The following TRPV1 variants were observed in gnomAD, a reference collection of about 807,000 sequenced individuals.
TRPV1 encodes the protein transient receptor potential cation channel subfamily V member 1, also known as OTRPC1.
In TRPV1, 82 loss-of-function variants were observed where a neutral mutation model predicts 82.3. The ratio of observed to expected loss-of-function variants is 1.00; its 90% CI spans 0.83 to 1.20. The LOEUF (loss-of-function observed/expected upper bound fraction) is 1.20, where lower values mean the gene tolerates loss of function less well. TRPV1 is among the 50% of genes most tolerant of loss of function. The pLI is 0.00. For synonymous variants in TRPV1, 515 were observed against 467.7 expected (o/e 1.10, Z -1.30); for missense variants, 1,067 against 1,096.8 (o/e 0.97, Z 0.38).
chr17:3,580,454 T>A lies in TRPV1; in HGVS notation c.1547+3A>T. On this transcript the variant is annotated splice_donor_region_variant and intron_variant, in intron 11 of 16. Coordinates refer to ENST00000572705, the MANE Select transcript of TRPV1 (RefSeq NM_080704.4). ...ACTGGGAATGAGTCAAAGTGTCACT[T>A]ACAAAAGCATCTCACTGTAGCTGTC... The A allele has an allele frequency of 6.2e-7, 1 of 1,614,002 alleles. No individual in the cohort carries two copies. The highest frequency in any genetic ancestry group is 8.5e-7 in the Non-Finnish European group (1 of 1,179,896).
chr17:3,588,749 G>A (rs2150845762), intron 7 of TRPV1, among the ~76,000 whole-genome samples: 1 of 151,694 alleles, frequency 6.6e-6, no homozygotes, highest in South Asian at 2.1e-4. Context: ...GATAGGCAGA[G>A]GTTGCAGTGA....
intron 13 of TRPV1, 75 bp downstream of exon 13, chr17:3,577,051 G>C (rs1382654733): frequency 1.4e-5 from 20 of 1,476,070 alleles, no homozygotes; most frequent in Non-Finnish European, 1.7e-5. Flanking sequence ...TTCTCATTCA[G>C]CTCCTGGCAG....
rs161380 is a variant in TRPV1 at position 3,601,032 on chromosome 17, A to G, written c.-34+7395T>C. On this transcript the variant is annotated intron_variant, in intron 2 of 16. Transcript: ENST00000572705. ...TGAAGCCCACAAGCCCCCTCCCCCC[A>G]GCATAACCCACAATGGGCTCCTGTT... 0.83 allele frequency among the ~76,000 whole-genome samples: 126,426 copies of G among 151,712 alleles called. 52,882 individuals carry two copies. The highest frequency in any genetic ancestry group is 1 in the East Asian group (5,104 of 5,118).
intron 11 of TRPV1, among the ~76,000 whole-genome samples, chr17:3,580,117 T>C (rs1291351127): frequency 7.2e-6 from 1 of 138,974 alleles, no homozygotes; most frequent in Non-Finnish European, 1.5e-5. Context: ...CCGTTAAAGA[T>C]AGGAAACTCC....
intron 2 of TRPV1, among the ~76,000 whole-genome samples, chr17:3,605,227 G>A (rs890628515): frequency 1.1e-4 from 17 of 152,052 alleles, no homozygotes; most frequent in Non-Finnish European, 2.2e-4. Flanking sequence ...GATTAAATGA[G>A]GCCTGGCATG....
At chr17:3,600,658 T>C (rs1236273518) in intron 2 of TRPV1, among the ~76,000 whole-genome samples, 1 of 152,160 alleles carries the variant, frequency 6.6e-6, no homozygotes, top group Non-Finnish European at 1.5e-5. Flanking sequence ...TCACTAAATG[T>C]GTCCTGTCCT....
At chr17:3,567,719 A>T (rs1456265117) in intron 16 of TRPV1, among the ~76,000 whole-genome samples, 1 of 151,394 alleles carries the variant, frequency 6.6e-6, no homozygotes, top group Non-Finnish European at 1.5e-5. Context: ...AAGAGGCAGG[A>T]TCTGGGGTCC....
chr17:3,577,561 G>A (rs200485206), intron 12 of TRPV1, 37 bp downstream of exon 12: 3 of 1,555,182 alleles, frequency 1.9e-6, no homozygotes, highest in African/African-American at 1.4e-5. Context: ...GAGGTAAGCG[G>A]GCTCTGAGGA....
At chr17:3,569,381 C>T (rs1325819926) in intron 16 of TRPV1, among the ~76,000 whole-genome samples, 8 of 152,206 alleles carry the variant, frequency 5.3e-5, no homozygotes, top group South Asian at 2.1e-4. Context: ...GAGCCAAGAT[C>T]GTGCCACTGC....
In TRPV1 at chr17:3,573,357, C is replaced by T. The variant is rs918929230; in HGVS notation, c.2103+276G>A. The stretch of plus-strand genomic sequence containing the variant: ...TATAAACACCAGCTGAGCTCATCTG[C>T]CCCTGAGCAGGTGCTGGGCAGGGGA... On this transcript the variant is annotated intron_variant, in intron 14 of 16. Transcript: ENST00000572705. Among the ~76,000 whole-genome samples the T allele has an allele frequency of 7.9e-5, 12 of 152,254 alleles. No homozygotes were observed. The East Asian group carries it at 9.7e-4, about 12-fold the overall frequency.
intron 10 of TRPV1, among the ~76,000 whole-genome samples, chr17:3,580,883 G>A (rs2075000208): frequency 6.6e-6 from 1 of 152,150 alleles, no homozygotes; most frequent in South Asian, 2.1e-4. Flanking sequence ...GCTGCGCGTG[G>A]TGGCGGGCAC....
chr17:3,576,577 G>A (rs747596098), intron 13 of TRPV1, among the ~76,000 whole-genome samples: 4 of 148,378 alleles, frequency 2.7e-5, no homozygotes, highest in Middle Eastern at 7.0e-3. Flanking sequence ...GCGTGAACCC[G>A]GGAGGCGGAG....
rs557406381 is a variant in TRPV1, at chr17:3,581,683, G to A, written c.1477-1156C>T. ...GGGCGGATCACGAGGTCAGGAGACC[G>A]AGACCATCCTGGTTAACATGGTGAA... On this transcript the variant is annotated intron_variant, in intron 10 of 16. Coordinates refer to ENST00000572705, the MANE Select transcript of TRPV1 (RefSeq NM_080704.4). Among the ~76,000 whole-genome samples the A allele has an allele frequency of 4.0e-5, 6 of 151,412 alleles. No individual in the cohort carries two copies. The South Asian group carries it at 6.3e-4, about 16-fold the overall frequency.
intron 2 of TRPV1, chr17:3,596,848 T>G (rs2075224387): frequency 6.6e-6 from 1 of 152,276 alleles, no homozygotes; most frequent in African/African-American, 2.4e-5. Context: ...GGGCCCGGCT[T>G]TTGGCCACTC....
intron 12 of TRPV1, 56 bp downstream of exon 12, chr17:3,577,542 C>T: frequency 6.5e-7 from 1 of 1,540,078 alleles, no homozygotes; most frequent in Non-Finnish European, 8.8e-7. Flanking sequence ...CCCCATCTCA[C>T]ATGACCACGA....
In TRPV1 at chr17:3,592,064, T is replaced by C. The variant is rs201850460; in HGVS notation, c.284+3A>G. ...GGGAGGGGGGCTCCAGACGCGGACT[T>C]ACCTGGCACCGGTGGGGCCGTCTCC... On this transcript the variant is annotated splice_donor_region_variant and intron_variant, in intron 3 of 16. Transcript: ENST00000572705. 69 of 1,609,426 alleles carry C rather than the reference T, an allele frequency of 4.3e-5. No individual in the cohort carries two copies. Among genetic ancestry groups the C allele is most frequent in the Admixed American group, 3.0e-4 (18 of 59,884 alleles).
chr17:3,590,531 G>T, intron 5 of TRPV1, 139 bp from the exon 6 acceptor site: 3 of 1,334,976 alleles, frequency 2.2e-6, no homozygotes, highest in East Asian at 2.5e-5. Context: ...CCCCCCCACT[G>T]CAGGAGGCCA....
At chr17:3,570,372 GAAA>G (rs71153372) in intron 16 of TRPV1, among the ~76,000 whole-genome samples, 7 of 133,100 alleles carry the variant, frequency 5.3e-5, no homozygotes, top group Admixed American at 7.5e-5. Flanking sequence ...TCCATCTCAG[GAAA>G]AAAAAAAAAA....
chr17:3,588,736 C>G (rs2075114871), intron 7 of TRPV1, among the ~76,000 whole-genome samples: 1 of 151,422 alleles, frequency 6.6e-6, no homozygotes, highest in South Asian at 2.1e-4. Flanking sequence ...ATCACTTGAA[C>G]CTGATAGGCA....
Sources: gnomAD v4.1 joint callset for allele counts (sites outside exome capture counted in the v4.1 genomes callset) on GRCh38, gnomAD v4.1.1 for gene constraint, MANE v1.5 for transcripts, NCBI Gene and HGNC (gene_info 2026-07-23, HGNC 2026-07-21) for gene names.